Variants in CAMK2G observed in about 807,000 individuals in gnomAD.
The protein encoded by CAMK2G is calcium/calmodulin-dependent protein kinase type II subunit gamma.
Under a neutral mutation model 88.7 loss-of-function variants are expected in CAMK2G, and 23 were observed. The ratio of observed to expected loss-of-function variants is 0.26; its 90% CI spans 0.19 to 0.37. CAMK2G has a LOEUF of 0.37. Ranked by LOEUF, CAMK2G falls within the 10% of genes least tolerant of loss-of-function variation. The pLI is 1.00. For missense variants in CAMK2G, 476 were observed against 780.8 expected (o/e 0.61, Z 4.65); for synonymous variants, 263 against 294.8 (o/e 0.89, Z 1.11).
rs1449906020 is a variant in CAMK2G, at chr10:73,829,364, G to A, written c.1054-1243C>T. Among the ~76,000 whole-genome samples, 6 of 151,088 alleles carry A rather than the reference G, an allele frequency of 4.0e-5. No homozygotes were observed. In the East Asian group the frequency reaches 7.8e-4, roughly 20 times the overall value. ...GGCTGGAGTGCAGTGGCACCATCTC[G>A]GCTCACTGCAACCTCCGCCTCCCTG... On this transcript the variant is annotated intron_variant, in intron 14 of 22. Transcript: ENST00000423381.
Position 73,873,039 on chromosome 10 carries a change from G to A in CAMK2G, c.110C>T (p.Thr37Met), listed in dbSNP as rs2095891574. The part of the protein sequence containing the change: ...VVRRCVKKTS[T>M]QEYAAKIINT... ...GATGATTTTTGCTGCGTACTCCTGC[G>A]TGGAGGTTTTCTTCACACACCTGCG... Residue 37 changes from threonine (T) to methionine (M), a missense_variant, in exon 2 of 23, where the codon ACG becomes ATG. Coordinates refer to ENST00000423381, the MANE Select transcript of CAMK2G (RefSeq NM_001367534.1). 2 of 1,613,722 alleles carry A rather than the reference G, an allele frequency of 1.2e-6. No individual in the cohort carries two copies. The highest frequency in any genetic ancestry group is 1.7e-6 in the Non-Finnish European group (2 of 1,179,722).
rs1285081250 is a variant in CAMK2G, at chr10:73,820,488, A to ATT, written c.1250-844_1250-843insAA. Among the ~76,000 whole-genome samples, 401 of 46,506 alleles carry ATT rather than the reference A, an allele frequency of 8.6e-3. 5 individuals carry two copies. Among genetic ancestry groups the ATT allele is most frequent in the Non-Finnish European group, 0.012 (325 of 26,048 alleles). 30.5% of individuals were successfully genotyped at this position (46,506 alleles called of 152,430 possible). ...TTTATATATATATATATATATATAT[A>ATT]TATATTTTTTTTTTTTTTTTTTTCT... On this transcript the variant is annotated intron_variant, in intron 18 of 22. Transcript: ENST00000423381.
chr10:73,829,584 G>A (rs1013538423), intron 14 of CAMK2G, among the ~76,000 whole-genome samples: 1 of 152,070 alleles, frequency 6.6e-6, no homozygotes, highest in Non-Finnish European at 1.5e-5. Context: ...ACAAGCGTGA[G>A]CCACCGCACA....
chr10:73,873,089 G>A lies in CAMK2G; in HGVS notation c.66-6C>T, dbSNP rs757966706. The A allele has an allele frequency of 8.2e-6, 13 of 1,593,102 alleles. No homozygotes were observed. The African/African-American group carries it at 1.6e-4, about 20-fold the overall frequency. On this transcript the variant is annotated splice_polypyrimidine_tract_variant and splice_region_variant and intron_variant, in intron 1 of 22. Transcript: ENST00000423381. ...GGACCACAGAGAAAGCACCCCTGGAGGGAGAAGGGGAAAAGAACTGGGACA... is the reference window on the plus strand; with the variant it reads ...GGACCACAGAGAAAGCACCCCTGGAAGGAGAAGGGGAAAAGAACTGGGACA...
intron 10 of CAMK2G, among the ~76,000 whole-genome samples, chr10:73,844,565 A>ACC (rs2094085359): frequency 6.6e-6 from 1 of 151,746 alleles, no homozygotes; most frequent in Admixed American, 6.6e-5. Context: ...GTACCAACAT[A>ACC]CCCAGCTAAT....
chr10:73,843,318 G>A (rs1360307602), intron 10 of CAMK2G, among the ~76,000 whole-genome samples: 1 of 152,076 alleles, frequency 6.6e-6, no homozygotes, highest in Non-Finnish European at 1.5e-5. Context: ...TGCTCACTTC[G>A]GCCTCCCAGA....
At chr10:73,869,792 A>G (rs773811132) in intron 2 of CAMK2G, among the ~76,000 whole-genome samples, 2 of 152,272 alleles carry the variant, frequency 1.3e-5, no homozygotes, top group East Asian at 3.8e-4. Flanking sequence ...TTAAAGTATT[A>G]TAACAGATTT....
chr10:73,868,758 G>T (rs1001142263), intron 2 of CAMK2G, among the ~76,000 whole-genome samples: 2 of 152,064 alleles, frequency 1.3e-5, no homozygotes, highest in Non-Finnish European at 2.9e-5. Flanking sequence ...TACCACAGGG[G>T]ACACAAATGT....
rs551036691 is a variant in CAMK2G, at chr10:73,817,165, C to T, written c.1440-48G>A. On this transcript the variant is annotated intron_variant, in intron 20 of 22. Coordinates refer to ENST00000423381, the MANE Select transcript of CAMK2G (RefSeq NM_001367534.1). ...AGCCTATCAGGCTTCTATGGAGTGACTTGTCTTCCTTCCTTATCAGCGGTG... is the reference window on the plus strand; with the variant it reads ...AGCCTATCAGGCTTCTATGGAGTGATTTGTCTTCCTTCCTTATCAGCGGTG... 35 of 1,556,496 alleles carry T rather than the reference C, an allele frequency of 2.2e-5. No homozygotes were observed. The South Asian group carries it at 2.5e-4, about 11-fold the overall frequency.
At chr10:73,844,987 C>T (rs1007556071) in intron 10 of CAMK2G, among the ~76,000 whole-genome samples, 3 of 152,148 alleles carry the variant, frequency 2.0e-5, no homozygotes, top group African/African-American at 7.2e-5. Context: ...GAAGGTCTCA[C>T]TCTCAGTGCT....
intron 10 of CAMK2G, among the ~76,000 whole-genome samples, chr10:73,845,708 C>G (rs1034533071): frequency 3.3e-5 from 5 of 152,084 alleles, no homozygotes; most frequent in Non-Finnish European, 5.9e-5. Context: ...CTTTGCTCCC[C>G]CCAAATCCAA....
At chr10:73,823,732 T>C (rs1055225813) in intron 17 of CAMK2G, among the ~76,000 whole-genome samples, 2 of 152,196 alleles carry the variant, frequency 1.3e-5, no homozygotes, top group Admixed American at 1.3e-4. Flanking sequence ...ATTTTTTCAG[T>C]GAACGTTTAC....
rs927724667 is a variant in CAMK2G, at chr10:73,827,431, G to A, written c.1086+658C>T. Among the ~76,000 whole-genome samples, 8 of 152,040 alleles carry A rather than the reference G, an allele frequency of 5.3e-5. No homozygotes were observed. The East Asian group carries it at 9.7e-4, about 18-fold the overall frequency. ...CCTGACCTTGTGATCCACCCGCCTC[G>A]GCCTCCCAAAGTGCTAGGATTACAG... On this transcript the variant is annotated intron_variant, in intron 15 of 22. Coordinates refer to ENST00000423381, the MANE Select transcript of CAMK2G (RefSeq NM_001367534.1).
chr10:73,862,302 C>T (rs866419304), intron 2 of CAMK2G, among the ~76,000 whole-genome samples: 3 of 135,374 alleles, frequency 2.2e-5, no homozygotes, highest in Non-Finnish European at 5.1e-5. Context: ...ACTCCACCCC[C>T]CCCCCCCCCG....
At chr10:73,844,905 G>C (rs909886184) in intron 10 of CAMK2G, among the ~76,000 whole-genome samples, 3 of 152,148 alleles carry the variant, frequency 2.0e-5, no homozygotes, top group African/African-American at 7.2e-5. Flanking sequence ...AACTTAATCA[G>C]GGACTCTTCT....
At position 73,814,759 on chromosome 10, in the gene CAMK2G, T is replaced by C. The variant is rs187167402; in HGVS notation, c.*12+244A>G. 1.1e-4 allele frequency: 59 copies of C among 513,830 alleles called. 1 individual carries two copies. The highest frequency in any genetic ancestry group is 7.5e-4 in the Admixed American group (23 of 30,850). 31.8% of individuals were successfully genotyped at this position (513,830 alleles called of 1,614,324 possible). ...CCACTCTCTGCCTTTCTTTGACAGCTAAGGAAACAGTTTAGGGAGGGGAAG... is the reference window on the plus strand; with the variant it reads ...CCACTCTCTGCCTTTCTTTGACAGCCAAGGAAACAGTTTAGGGAGGGGAAG... On this transcript the variant is annotated intron_variant, in intron 22 of 22. Transcript: ENST00000423381.
chr10:73,834,064 G>A (rs1201124681), intron 14 of CAMK2G, among the ~76,000 whole-genome samples: 4 of 151,652 alleles, frequency 2.6e-5, no homozygotes, highest in Admixed American at 6.6e-5. Context: ...GACTACAGGC[G>A]CCTGCCACCA....
chr10:73,866,968 G>A (rs1004207258), intron 2 of CAMK2G, among the ~76,000 whole-genome samples: 13 of 152,212 alleles, frequency 8.5e-5, no homozygotes, highest in African/African-American at 2.7e-4. Flanking sequence ...CTCTAAAGAT[G>A]CAAAGAGTCT....
Position 73,819,716 on chromosome 10 carries a change from C to T in CAMK2G, c.1250-71G>A, listed in dbSNP as rs901695260. The T allele has an allele frequency of 3.8e-5, 37 of 977,308 alleles. No individual in the cohort carries two copies. In the Admixed American group the frequency reaches 6.2e-4, roughly 16 times the overall value. 60.5% of individuals were successfully genotyped at this position (977,308 alleles called of 1,614,324 possible). On this transcript the variant is annotated intron_variant, in intron 18 of 22. Coordinates refer to ENST00000423381, the MANE Select transcript of CAMK2G (RefSeq NM_001367534.1). The stretch of plus-strand genomic sequence containing the variant: ...AAACAAACAGAACAAGGCAGGTGAG[C>T]GAGCAAGCCAGACAGGCCCCGAGCC...
Sources: allele counts gnomAD v4.1 joint callset (sites outside exome capture counted in the v4.1 genomes callset), GRCh38; gene constraint gnomAD v4.1.1; transcripts MANE v1.5; gene names NCBI Gene and HGNC (gene_info 2026-07-23, HGNC 2026-07-21).